The following NDST4 variants were observed in gnomAD, a reference collection of about 807,000 sequenced individuals.
NDST4 encodes the protein N-deacetylase and N-sulfotransferase 4, also known as N-heparan sulfate sulfotransferase 4.
In NDST4, 63 loss-of-function variants were observed where a neutral mutation model predicts 100.8. The observed-to-expected ratio is 0.62, with a 90% CI of 0.51 to 0.77. The LOEUF is 0.77. Ranked by LOEUF, NDST4 falls within the 30% of genes least tolerant of loss-of-function variation. NDST4 has a pLI of 0.00. For synonymous variants in NDST4, 377 were observed against 361.8 expected (o/e 1.04, Z -0.48); for missense variants, 943 against 1,018.4 (o/e 0.93, Z 1.01).
At chr4:115,033,155 ATATTTT>A (rs1560574282) in intron 2 of NDST4, among the ~76,000 whole-genome samples, 53 of 27,602 alleles carry the variant, frequency 1.9e-3, no homozygotes, top group African/African-American at 7.5e-3. Context: ...ATATATATAT[ATATTTT>A]TTTTTTTTTT....
chr4:114,988,136 C>T (rs1363061191), intron 2 of NDST4, among the ~76,000 whole-genome samples: 3 of 151,744 alleles, frequency 2.0e-5, no homozygotes, highest in African/African-American at 7.3e-5. Context: ...TTAGAATTAA[C>T]AATTATAATT....
chr4:114,979,363 C>G (rs938719730), intron 2 of NDST4, among the ~76,000 whole-genome samples: 1 of 150,054 alleles, frequency 6.7e-6, no homozygotes, highest in African/African-American at 2.4e-5. Flanking sequence ...CTCCATCAAA[C>G]CTTATTCATT....
At chr4:114,927,511 G>A (rs187474214) in intron 6 of NDST4, among the ~76,000 whole-genome samples, 94 of 151,610 alleles carry the variant, frequency 6.2e-4, no homozygotes, top group African/African-American at 1.6e-3. Context: ...AAATGATTAG[G>A]GGCTTTTCAT....
Position 114,937,399 on chromosome 4 carries a change from ACCCC to A in NDST4, c.1322_1325del (p.Trp441LeufsTer13). On this transcript the variant is annotated frameshift_variant, in exon 5 of 14. Transcript: ENST00000264363. LOFTEE classifies it high-confidence loss of function. ...ATTCTTCAGTGCTGGTGACTTGAATACCCCAGACCTTCTTCCAAGCTGCATACAG... is the reference window on the plus strand; with the variant it reads ...ATTCTTCAGTGCTGGTGACTTGAATAAGACCTTCTTCCAAGCTGCATACAG... The A allele has an allele frequency of 3.7e-6, 6 of 1,613,980 alleles. No individual in the cohort carries two copies. Among genetic ancestry groups the A allele is most frequent in the Non-Finnish European group, 5.1e-6 (6 of 1,179,950 alleles).
intron 2 of NDST4, among the ~76,000 whole-genome samples, chr4:115,051,311 G>A (rs545787655): frequency 6.6e-5 from 10 of 151,330 alleles, no homozygotes; most frequent in South Asian, 4.2e-4. Flanking sequence ...TTTTTTTATA[G>A]CGGTAAAATA....
chr4:114,857,037 G>T (rs1046408323), intron 7 of NDST4, among the ~76,000 whole-genome samples: 2 of 152,164 alleles, frequency 1.3e-5, no homozygotes, highest in African/African-American at 2.4e-5. Flanking sequence ...TAGGCAGTAG[G>T]TAAGGCTGAA....
At chr4:114,948,390 A>G (rs1468006715) in intron 4 of NDST4, among the ~76,000 whole-genome samples, 3 of 151,904 alleles carry the variant, frequency 2.0e-5, no homozygotes, top group East Asian at 1.9e-4. Context: ...ACTACCAGGC[A>G]AAGCAGGTTA....
At chr4:115,029,601 G>A (rs1208381017) in intron 2 of NDST4, among the ~76,000 whole-genome samples, 2 of 152,034 alleles carry the variant, frequency 1.3e-5, no homozygotes, top group Non-Finnish European at 2.9e-5. Flanking sequence ...TTTAGTTTAT[G>A]ATGTGGGGGC....
Position 114,839,453 on chromosome 4 carries a change from CAA to C in NDST4, c.2209_2210del (p.Leu737AlafsTer30). 2 of 1,613,966 alleles carry C rather than the reference CAA, an allele frequency of 1.2e-6. No homozygotes were observed. Among genetic ancestry groups the C allele is most frequent in the Non-Finnish European group, 1.7e-6 (2 of 1,179,910 alleles). On this transcript the variant is annotated frameshift_variant, in exon 11 of 14. Transcript: ENST00000264363. LOFTEE classifies it high-confidence loss of function. The part of the protein sequence containing the change: ...GHWAPSDLKT[L>X]QRRCLVPGWY... ...ATCCAGGTACTAGGCATCTTCTCTG[CAA>C]AGTTTTTAAGTCAGATGGAGCCCAA...
chr4:115,049,696 C>T (rs910470185), intron 2 of NDST4, among the ~76,000 whole-genome samples: 1 of 152,004 alleles, frequency 6.6e-6, no homozygotes, highest in Admixed American at 6.6e-5. Context: ...GGGATTAAAT[C>T]TATAGTGAAT....
intron 2 of NDST4, among the ~76,000 whole-genome samples, chr4:115,003,370 T>C (rs1727340125): frequency 6.6e-6 from 1 of 152,136 alleles, no homozygotes; most frequent in Non-Finnish European, 1.5e-5. Flanking sequence ...ATTTTGTTTC[T>C]CCAAGAAATG....
chr4:114,982,026 C>A (rs1411681202), intron 2 of NDST4, among the ~76,000 whole-genome samples: 1 of 152,142 alleles, frequency 6.6e-6, no homozygotes, highest in East Asian at 1.9e-4. Flanking sequence ...CACTTCCCCC[C>A]AAACACACTC....
chr4:115,067,119 C>T (rs778856673), intron 2 of NDST4, among the ~76,000 whole-genome samples: 1 of 152,200 alleles, frequency 6.6e-6, no homozygotes, highest in Non-Finnish European at 1.5e-5. Context: ...TTGCCAATTG[C>T]ATGCTGGGTC....
At chr4:114,933,727 A>G (rs1466497714) in intron 6 of NDST4, among the ~76,000 whole-genome samples, 2 of 152,172 alleles carry the variant, frequency 1.3e-5, no homozygotes, top group South Asian at 2.1e-4. Context: ...AGGAAGACAT[A>G]CAAATGCCCA....
chr4:115,082,463 C>G (rs1176504910), intron 1 of NDST4, among the ~76,000 whole-genome samples: 1 of 152,070 alleles, frequency 6.6e-6, no homozygotes, highest in African/African-American at 2.4e-5. Flanking sequence ...GGCTGAAATA[C>G]AGAAGAAAGC....
chr4:114,938,920 T>C (rs1266586781), intron 4 of NDST4, among the ~76,000 whole-genome samples: 2 of 152,208 alleles, frequency 1.3e-5, no homozygotes, highest in Non-Finnish European at 2.9e-5. Flanking sequence ...AGCTAGAGTC[T>C]TTTGCTAGAC....
intron 2 of NDST4, among the ~76,000 whole-genome samples, chr4:115,013,428 C>A (rs1314386642): frequency 7.0e-6 from 1 of 142,844 alleles, no homozygotes; most frequent in Non-Finnish European, 1.5e-5. Context: ...AAACTTATAA[C>A]ACACTGTTAA....
intron 1 of NDST4, among the ~76,000 whole-genome samples, chr4:115,093,346 G>T (rs1729557975): frequency 1.3e-5 from 2 of 151,924 alleles, no homozygotes; most frequent in South Asian, 4.2e-4. Flanking sequence ...GTGGTGGCGG[G>T]TGCCTGTAGT....
In NDST4 at chr4:114,937,431, G is replaced by C. The variant is rs202245341; in HGVS notation, c.1294C>G (p.Gln432Glu). 6.8e-6 allele frequency: 11 copies of C among 1,613,546 alleles called. No homozygotes were observed. In the East Asian group the frequency reaches 1.8e-4, roughly 26 times the overall value. ...HHSGVYPVHI[Q>E]LYAAWKKVWG... ...ACCTTCTTCCAAGCTGCATACAGCT[G>C]AATGTGAACCGGGTAGACCCCTGAG... The change falls in exon 5 of 14, where the codon CAG (glutamine) becomes GAG (glutamate). Residue 432 changes from glutamine (Q) to glutamate (E), a missense_variant. Physicochemically the swap from Gln to Glu is conservative, Grantham distance 29. Around this residue, in one of 2 missense-constraint regions of NDST4, gnomAD observed 526 missense variants for 634.1 expected, o/e 0.83. Transcript: ENST00000264363.
Sources: allele counts gnomAD v4.1 joint callset (sites outside exome capture counted in the v4.1 genomes callset), GRCh38; gene constraint gnomAD v4.1.1; regional missense constraint gnomAD v4.1.1; transcripts MANE v1.5; gene names NCBI Gene and HGNC (gene_info 2026-07-23, HGNC 2026-07-21).